ARID1B: variants seen among roughly 807,000 people sequenced by gnomAD.
ARID1B encodes AT-rich interaction domain 1B.
ARID1B carries 30 observed loss-of-function variants against 212.3 expected under a neutral mutation model. That is an observed-to-expected ratio of 0.14 (90% CI 0.11 to 0.19). ARID1B has a LOEUF of 0.19. ARID1B is among the 10% of genes least tolerant of loss of function. ARID1B has a pLI of 1.00. For missense variants in ARID1B, 2,891 were observed against 3,204.0 expected, an observed-to-expected ratio of 0.90 and a Z score of 2.36; for synonymous variants, 1,402 against 1,301.7, an observed-to-expected ratio of 1.08 and a Z score of -1.66.
At chr6:157,021,224 G>A (rs976662275) in intron 4 of ARID1B, among the ~76,000 whole-genome samples, 2 of 152,194 alleles carry the variant, frequency 1.3e-5, no homozygotes, top group Non-Finnish European at 2.9e-5. Context: ...CCTCGCCTTG[G>A]TTTCTTTTGT....
At chr6:157,071,802 T>C (rs1219455602) in intron 4 of ARID1B, 2 of 152,252 alleles carry the variant, frequency 1.3e-5, no homozygotes, top group Admixed American at 6.5e-5. Context: ...GAAGTTCCTA[T>C]GTCTGAATTT....
chr6:156,935,609 A>G, intron 4 of ARID1B, 33 bp downstream of exon 4: 1 of 1,542,788 alleles, frequency 6.5e-7, no homozygotes, highest in Non-Finnish European at 9.0e-7. Context: ...TGGAAATGTA[A>G]TGAGTTAAAG....
intron 4 of ARID1B, among the ~76,000 whole-genome samples, chr6:157,059,791 T>A (rs1170630217): frequency 1.3e-5 from 2 of 152,146 alleles, no homozygotes; most frequent in African/African-American, 4.8e-5. Context: ...TGAATATGAG[T>A]GATTATGCTT....
At chr6:156,969,892 C>CT (rs201337033) in intron 4 of ARID1B, among the ~76,000 whole-genome samples, 7,399 of 134,338 alleles carry the variant, frequency 0.055, 259 homozygotes, top group South Asian at 0.11. Flanking sequence ...TTATATAATG[C>CT]TTTTTTTTTT....
chr6:157,198,771 C>A, intron 16 of ARID1B, 40 bp from the exon 17 acceptor site: 3 of 1,521,460 alleles, frequency 2.0e-6, no homozygotes, highest in South Asian at 2.3e-5. Flanking sequence ...TTGCCTGAAG[C>A]TTTTTCTCAG....
intron 11 of ARID1B, among the ~76,000 whole-genome samples, chr6:157,177,577 T>A (rs1583457254): frequency 6.6e-6 from 1 of 152,198 alleles, no homozygotes; most frequent in South Asian, 2.1e-4. Flanking sequence ...TAAACATTTG[T>A]CCATACACAT....
chr6:157,064,334 T>C (rs1783539751), intron 4 of ARID1B, among the ~76,000 whole-genome samples: 1 of 152,244 alleles, frequency 6.6e-6, no homozygotes, highest in Non-Finnish European at 1.5e-5. Context: ...TTGTTTTTCA[T>C]GAGACTCTAA....
intron 2 of ARID1B, among the ~76,000 whole-genome samples, chr6:156,850,629 T>A (rs186359399): frequency 6.6e-6 from 1 of 152,204 alleles, no homozygotes; most frequent in Non-Finnish European, 1.5e-5. Flanking sequence ...ATTTAATGTA[T>A]AGGCAGTTTA....
At chr6:157,040,131 G>T (rs1466621942) in intron 4 of ARID1B, among the ~76,000 whole-genome samples, 2 of 152,046 alleles carry the variant, frequency 1.3e-5, no homozygotes, top group East Asian at 1.9e-4. Flanking sequence ...GTAGAGACGG[G>T]GTTTCACCAT....
In ARID1B at chr6:157,201,452, T is replaced by G; in HGVS notation, c.5227T>G (p.Leu1743Val). 6.6e-7 allele frequency: 1 copy of G among 1,515,558 alleles called. No homozygotes were observed. Among genetic ancestry groups the G allele is most frequent in the Non-Finnish European group, 8.8e-7 (1 of 1,131,010 alleles). 93.9% of individuals were successfully genotyped at this position (1,515,558 alleles called of 1,614,324 possible). ...PGSVEASQPV[L>V]KQRRKITSKD... ...CTCAGTAGAAGCATCACAACCAGTC[T>G]TGAAACAAAGGCGAAAGATTACCTC... Residue 1743 changes from leucine to valine, a missense_variant, in exon 18 of 20, where the codon TTG becomes GTG. Transcript: ENST00000636930. This position sits in a 1 kb window ranked among gnomAD's most constrained non-coding sequence, Gnocchi z 5.2.
At chr6:156,937,054 G>GT (rs200710745) in intron 4 of ARID1B, 4 of 148,252 alleles carry the variant, frequency 2.7e-5, no homozygotes, top group East Asian at 2.0e-4. Context: ...TTATTGTGGT[G>GT]TTTTTCCCCC....
intron 3 of ARID1B, among the ~76,000 whole-genome samples, chr6:156,932,468 A>C (rs904948191): frequency 1.3e-5 from 2 of 150,096 alleles, no homozygotes; most frequent in African/African-American, 5.0e-5. Context: ...TGGTTTACAC[A>C]CTGGTGTTCA....
chr6:157,122,486 C>T (rs1330626703), intron 6 of ARID1B, among the ~76,000 whole-genome samples: 3 of 152,132 alleles, frequency 2.0e-5, no homozygotes, highest in Non-Finnish European at 4.4e-5. Flanking sequence ...TATTAGAATC[C>T]ATTATCTAAA....
intron 16 of ARID1B, among the ~76,000 whole-genome samples, chr6:157,196,834 T>A (rs1793762359): frequency 6.6e-6 from 1 of 152,216 alleles, no homozygotes; most frequent in Non-Finnish European, 1.5e-5. Context: ...CTTTGCTCTT[T>A]AATAAACATC....
intron 2 of ARID1B, among the ~76,000 whole-genome samples, chr6:156,842,372 C>T (rs559084629): frequency 3.3e-5 from 5 of 152,268 alleles, no homozygotes; most frequent in African/African-American, 1.2e-4. Context: ...TAATATGTGA[C>T]CTTTTGTGTC....
chr6:157,081,037 G>C (rs1023797596), intron 4 of ARID1B, among the ~76,000 whole-genome samples: 16 of 152,200 alleles, frequency 1.1e-4, no homozygotes, highest in Admixed American at 9.8e-4. Flanking sequence ...TACTATGCTT[G>C]AGAGCCCATG....
At chr6:157,182,529 G>A (rs1792629954) in intron 12 of ARID1B, among the ~76,000 whole-genome samples, 1 of 152,130 alleles carries the variant, frequency 6.6e-6, no homozygotes, top group African/African-American at 2.4e-5. Context: ...AAGGTGGCGG[G>A]GGTCACTAAC....
Position 157,206,156 on chromosome 6 carries a change from C to G in ARID1B, c.5395-11C>G. 6.2e-7 allele frequency: 1 copy of G among 1,612,868 alleles called. No homozygotes were observed. The highest frequency in any genetic ancestry group is 2.2e-5 in the East Asian group (1 of 44,872). ...CTGTTCTTTCTTTCTTCTCCTCCTCCTCCTCTCCAGTTGTCTGGATTTCTC... is the reference window on the plus strand; with the variant it reads ...CTGTTCTTTCTTTCTTCTCCTCCTCGTCCTCTCCAGTTGTCTGGATTTCTC... On this transcript the variant is annotated splice_polypyrimidine_tract_variant and intron_variant, in intron 19 of 19. Transcript: ENST00000636930. The surrounding 1 kb of genome is among the most constrained non-coding windows in gnomAD (Gnocchi z 6.8).
intron 5 of ARID1B, among the ~76,000 whole-genome samples, chr6:157,107,436 T>C (rs1036595244): frequency 6.6e-6 from 1 of 152,144 alleles, no homozygotes; most frequent in Admixed American, 6.5e-5. Flanking sequence ...TTTTACAAGT[T>C]TTCTGTAAGT....
Sources: gnomAD v4.1 joint callset for allele counts (sites outside exome capture counted in the v4.1 genomes callset) on GRCh38, gnomAD v4.1.1 for gene constraint, Gnocchi (gnomAD v3.1) non-coding constraint, MANE v1.5 for transcripts, NCBI Gene and HGNC (gene_info 2026-07-23, HGNC 2026-07-21) for gene names.